DAAM1: variants seen among roughly 807,000 people sequenced by gnomAD.
DAAM1 encodes the protein dishevelled associated activator of morphogenesis 1.
A neutral mutation model predicts 130.0 loss-of-function variants in DAAM1; 52 were observed. The ratio of observed to expected loss-of-function variants is 0.40; its 90% CI spans 0.32 to 0.50. The LOEUF is 0.50. Ranked by LOEUF, DAAM1 falls within the 20% of genes least tolerant of loss-of-function variation. The pLI, the probability that DAAM1 is intolerant of heterozygous loss-of-function variation, is 0.61. For missense variants in DAAM1, 1,134 were observed against 1,303.8 expected (o/e 0.87, Z 2.01); for synonymous variants, 452 against 444.5 (o/e 1.02, Z -0.21).
intron 1 of DAAM1, among the ~76,000 whole-genome samples, chr14:59,253,274 C>A (rs1881727828): frequency 6.6e-6 from 1 of 152,202 alleles, no homozygotes. Context: ...ACTTGTGTTG[C>A]AATTCTGCGG....
Position 59,338,563 on chromosome 14 carries a change from A to G in DAAM1, c.1969-1511A>G, listed in dbSNP as rs576084347. On this transcript the variant is annotated intron_variant, in intron 15 of 24. Coordinates refer to ENST00000360909, the MANE Select transcript of DAAM1 (RefSeq NM_001270520.2). ...CTAGGTAACTCCACTTTGGATTTCA[A>G]CTCTTAAATGAGTATCTAGAGGTTC... 108 of 799,300 alleles carry G rather than the reference A, an allele frequency of 1.4e-4. 3 individuals carry two copies. The South Asian group carries it at 1.8e-3, about 13-fold the overall frequency. The allele number at this position is 799,300 out of a possible 1,614,324, so 49.5% of individuals were successfully genotyped here.
intron 4 of DAAM1, among the ~76,000 whole-genome samples, chr14:59,318,229 C>T (rs892216697): frequency 2.6e-5 from 4 of 151,984 alleles, no homozygotes; most frequent in Admixed American, 2.6e-4. Context: ...GTTCAGTATG[C>T]TTAGTGGACT....
chr14:59,248,754 C>G (rs1034488653), intron 1 of DAAM1, among the ~76,000 whole-genome samples: 1 of 152,094 alleles, frequency 6.6e-6, no homozygotes, highest in African/African-American at 2.4e-5. Flanking sequence ...TAAAAGGAAA[C>G]TCCTTTGTTT....
intron 2 of DAAM1, among the ~76,000 whole-genome samples, chr14:59,276,956 T>C (rs1327039599): frequency 6.6e-6 from 1 of 152,192 alleles, no homozygotes; most frequent in Non-Finnish European, 1.5e-5. Context: ...TAAATATATA[T>C]TTGTATGTAT....
rs557465720 is a variant in DAAM1 at position 59,270,055 on chromosome 14, A to G, written c.183+6395A>G. 2.6e-5 allele frequency among the ~76,000 whole-genome samples: 4 copies of G among 152,354 alleles called. No individual in the cohort carries two copies. In the East Asian group the frequency reaches 7.7e-4, roughly 29 times the overall value. ...TTCAGTGAACCAAATATAATGAAGT[A>G]CATCAAAATATTTTGCTATCTGGTT... On this transcript the variant is annotated intron_variant, in intron 2 of 24. Transcript: ENST00000360909.
chr14:59,241,881 GTCTC>G (rs750663788), intron 1 of DAAM1, among the ~76,000 whole-genome samples: 19 of 151,248 alleles, frequency 1.3e-4, no homozygotes, highest in Admixed American at 7.2e-4. Context: ...ATCACAAACT[GTCTC>G]TCTCTCTCTC....
At chr14:59,291,384 T>C (rs1883734451) in intron 3 of DAAM1, 78 bp downstream of exon 3, 13 of 1,146,104 alleles carry the variant, frequency 1.1e-5, no homozygotes, top group East Asian at 2.5e-5. Flanking sequence ...ACCACTAGAA[T>C]TGGACAGCTC....
intron 1 of DAAM1, among the ~76,000 whole-genome samples, chr14:59,252,762 C>T (rs1881704538): frequency 6.6e-6 from 1 of 152,216 alleles, no homozygotes; most frequent in South Asian, 2.1e-4. Context: ...TTTATAGTGT[C>T]CACTCAAAAG....
intron 1 of DAAM1, among the ~76,000 whole-genome samples, chr14:59,225,023 T>TTG (rs1566656899): frequency 1.5e-5 from 2 of 133,940 alleles, no homozygotes; most frequent in African/African-American, 5.7e-5. Context: ...GTGTGGGTTT[T>TTG]TTTTTTTTTT....
chr14:59,273,649 A>G (rs1882824474), intron 2 of DAAM1, among the ~76,000 whole-genome samples: 2 of 152,232 alleles, frequency 1.3e-5, no homozygotes, highest in South Asian at 4.1e-4. Context: ...TCGTTATAGT[A>G]TACTGACATT....
At chr14:59,359,764 A>C (rs1482182340) in intron 21 of DAAM1, among the ~76,000 whole-genome samples, 1 of 152,240 alleles carries the variant, frequency 6.6e-6, no homozygotes, top group African/African-American at 2.4e-5. Flanking sequence ...TACAGGTAGG[A>C]GCACCTTAGT....
chr14:59,251,690 G>A (rs1023897330), intron 1 of DAAM1, among the ~76,000 whole-genome samples: 4 of 152,104 alleles, frequency 2.6e-5, no homozygotes, highest in African/African-American at 9.7e-5. Context: ...TGTTAGAGGC[G>A]ACTGTCCTCT....
At chr14:59,228,846 G>A (rs1042350158) in intron 1 of DAAM1, among the ~76,000 whole-genome samples, 6 of 152,122 alleles carry the variant, frequency 3.9e-5, no homozygotes, top group African/African-American at 1.4e-4. Context: ...CTTAGCTATG[G>A]TTTTAAATAA....
In DAAM1 at chr14:59,241,955, T is replaced by C. The variant is rs117243392; in HGVS notation, c.-37-21486T>C. 5.2e-4 allele frequency among the ~76,000 whole-genome samples: 79 copies of C among 152,334 alleles called. 1 individual carries two copies. In the East Asian group the frequency reaches 0.01, roughly 20 times the overall value. ...TTACCTATACAAGGATATGATGCTG[T>C]AAGGATTAAATTGCTCAAATCAAGG... On this transcript the variant is annotated intron_variant, in intron 1 of 24. Transcript: ENST00000360909.
chr14:59,278,439 A>T (rs1447708953), intron 2 of DAAM1, among the ~76,000 whole-genome samples: 2 of 152,202 alleles, frequency 1.3e-5, no homozygotes, highest in Admixed American at 1.3e-4. Flanking sequence ...CCAGAATGAC[A>T]CACAATTTTA....
intron 3 of DAAM1, among the ~76,000 whole-genome samples, chr14:59,313,614 G>A (rs1884676488): frequency 6.6e-6 from 1 of 152,164 alleles, no homozygotes; most frequent in Admixed American, 6.5e-5. Flanking sequence ...TGGGGGAATG[G>A]AGAGATCTGG....
chr14:59,354,142 GC>G, intron 19 of DAAM1, among the ~76,000 whole-genome samples, 178 bp downstream of exon 19: 1 of 151,342 alleles, frequency 6.6e-6, no homozygotes, highest in South Asian at 2.1e-4. Context: ...CTCAGTGCAA[GC>G]TCCGCCTCCC....
intron 3 of DAAM1, among the ~76,000 whole-genome samples, chr14:59,301,358 A>G (rs1884164552): frequency 1.3e-5 from 2 of 152,122 alleles, no homozygotes; most frequent in Admixed American, 1.3e-4. Context: ...AACCCTACAC[A>G]GAGCAAACCA....
rs35308018 is a variant in DAAM1, at chr14:59,272,608, TACACACAC to T, written c.183+8964_183+8971del. On this transcript the variant is annotated intron_variant, in intron 2 of 24. Coordinates refer to ENST00000360909, the MANE Select transcript of DAAM1 (RefSeq NM_001270520.2). The stretch of plus-strand genomic sequence containing the variant: ...AACAAACAAACAAAATATATATATA[TACACACAC>T]ACACACACACACACATACACACATA... Among the ~76,000 whole-genome samples the T allele has an allele frequency of 1.2e-4, 16 of 137,060 alleles. No individual in the cohort carries two copies. The East Asian group carries it at 1.8e-3, about 15-fold the overall frequency. The allele number at this position is 137,060 out of a possible 152,430, so 89.9% of individuals were successfully genotyped here. A position where few individuals can be genotyped will look rare whatever the true frequency, so the allele number is the denominator to read the frequency against.
Sources: allele counts gnomAD v4.1 joint callset (sites outside exome capture counted in the v4.1 genomes callset), GRCh38; gene constraint gnomAD v4.1.1; transcripts MANE v1.5; gene names NCBI Gene and HGNC (gene_info 2026-07-23, HGNC 2026-07-21).